The following CPD variants were observed in gnomAD, a reference collection of about 807,000 sequenced individuals.
CPD encodes carboxypeptidase D.
CPD carries 69 observed loss-of-function variants against 138.3 expected under a neutral mutation model. The observed-to-expected ratio is 0.50, with a 90% confidence interval of 0.41 to 0.61. The LOEUF is 0.61. Ranked by LOEUF, CPD falls within the 20% of genes least tolerant of loss-of-function variation. The probability of loss-of-function intolerance (pLI) is 0.00; values close to 1 mark genes in which losing one functional copy is unlikely to be tolerated. For synonymous variants in CPD, 651 were observed against 642.1 expected, an observed-to-expected ratio of 1.01 and a Z score of -0.21; for missense variants, 1,432 against 1,733.3, an observed-to-expected ratio of 0.83 and a Z score of 3.09.
At chr17:30,451,926 C>A in intron 14 of CPD, 80 bp downstream of exon 14, 2 of 1,355,840 alleles carry the variant, frequency 1.5e-6, no homozygotes, top group South Asian at 2.8e-5. Context: ...CCTATTTTGT[C>A]AGTGAATAAT....
intron 14 of CPD, among the ~76,000 whole-genome samples, chr17:30,452,126 A>G (rs956111862): frequency 1.3e-5 from 2 of 152,098 alleles, no homozygotes; most frequent in African/African-American, 4.8e-5. Context: ...CTCCCCTCCT[A>G]TGTATGTGTG....
chr17:30,443,430 C>T (rs964781871), intron 10 of CPD, among the ~76,000 whole-genome samples: 1 of 152,100 alleles, frequency 6.6e-6, no homozygotes, highest in Non-Finnish European at 1.5e-5. Context: ...TCATGCATTG[C>T]ATTGGATTAT....
intron 17 of CPD, among the ~76,000 whole-genome samples, chr17:30,458,814 C>T (rs1913370970): frequency 6.6e-6 from 1 of 151,076 alleles, no homozygotes; most frequent in Non-Finnish European, 1.5e-5. Flanking sequence ...TGCGAAGAGC[C>T]GAGATCTTGC....
intron 13 of CPD, among the ~76,000 whole-genome samples, 179 bp downstream of exon 13, chr17:30,449,927 G>A (rs1729950910): frequency 6.6e-6 from 1 of 151,926 alleles, no homozygotes; most frequent in Non-Finnish European, 1.5e-5. Context: ...TGTTAATAGT[G>A]TCTTTCTATT....
intron 7 of CPD, among the ~76,000 whole-genome samples, chr17:30,428,188 A>G (rs938370144): frequency 6.6e-6 from 1 of 152,206 alleles, no homozygotes; most frequent in Non-Finnish European, 1.5e-5. Flanking sequence ...ATATACCTCC[A>G]TATAATTTAG....
At chr17:30,428,475 G>A (rs1912479924) in intron 7 of CPD, among the ~76,000 whole-genome samples, 1 of 152,034 alleles carries the variant, frequency 6.6e-6, no homozygotes, top group Non-Finnish European at 1.5e-5. Context: ...AATAAAATGT[G>A]GTCTGTCCTT....
Position 30,461,221 on chromosome 17 carries a change from A to G in CPD, c.3540A>G (p.Val1180=). 1.9e-6 allele frequency: 3 copies of G among 1,611,532 alleles called. No homozygotes were observed. Among genetic ancestry groups the G allele is most frequent in the Non-Finnish European group, 2.5e-6 (3 of 1,178,730 alleles). Residue 1180 remains valine (V), a synonymous_variant, in exon 18 of 21, where the codon GTA becomes GTG. Coordinates refer to ENST00000225719, the MANE Select transcript of CPD (RefSeq NM_001304.5). ...VTYGHCPEIT[V]YTSCCYFPSA... ...ATGGCCATTGTCCGGAAATCACAGT[A>G]TACACAAGCTGCTGTTACTTTCCTA...
chr17:30,395,185 A>C (rs1911467163), intron 2 of CPD, among the ~76,000 whole-genome samples: 1 of 149,770 alleles, frequency 6.7e-6, no homozygotes, highest in East Asian at 1.9e-4. Context: ...ATATAAATGA[A>C]CAGATGGGTG....
intron 2 of CPD, among the ~76,000 whole-genome samples, chr17:30,387,447 C>T (rs1017823111): frequency 2.0e-5 from 3 of 152,160 alleles, no homozygotes; most frequent in African/African-American, 2.4e-5. Flanking sequence ...GAACTGTTTA[C>T]CTTTTCTCTT....
rs1912248218 is a variant in CPD, at chr17:30,420,896, A to T, written c.1050A>T (p.Glu350Asp). ...CCAACTGTTTTGAGATCACATTAGAACTGTCTTGTTGCAAGTACCCACCTG... is the reference window on the plus strand; with the variant it reads ...CCAACTGTTTTGAGATCACATTAGATCTGTCTTGTTGCAAGTACCCACCTG... ...VWANCFEITLELSCCKYPPAS... is the reference protein window; with the variant it reads ...VWANCFEITLDLSCCKYPPAS... The change falls in exon 3 of 21, where the codon GAA (glutamate) becomes GAT (aspartate). Residue 350 changes from glutamate to aspartate, a missense_variant. By Grantham distance (45) the Glu-to-Asp change is conservative. Around this residue, in one of 6 missense-constraint regions of CPD, gnomAD observed 160 missense variants for 197.9 expected, o/e 0.81. Coordinates refer to ENST00000225719, the MANE Select transcript of CPD (RefSeq NM_001304.5). The T allele has an allele frequency of 6.2e-7, 1 of 1,613,622 alleles. No homozygotes were observed. Among genetic ancestry groups the T allele is most frequent in the South Asian group, 1.1e-5 (1 of 91,044 alleles).
In CPD at chr17:30,467,384, A is replaced by G. The variant is rs922296012; in HGVS notation, c.*2570A>G. On this transcript the variant is annotated 3_prime_UTR_variant, in exon 21 of 21. Coordinates refer to ENST00000225719, the MANE Select transcript of CPD (RefSeq NM_001304.5). ...TGCCTGTGTACATGTACTTGTATTG[A>G]TTATGTAGTTCAGTAAGATGTGCCC... is the stretch of plus-strand genomic sequence containing the variant. The G allele has an allele frequency of 7.2e-5, 11 of 152,286 alleles. No individual in the cohort carries two copies. The highest frequency in any genetic ancestry group is 2.4e-4 in the African/African-American group (10 of 41,440). 9.4% of individuals were successfully genotyped at this position (152,286 alleles called of 1,614,324 possible).
At chr17:30,441,924 A>T (rs545434546) in intron 9 of CPD, among the ~76,000 whole-genome samples, 70 of 150,498 alleles carry the variant, frequency 4.7e-4, no homozygotes, top group African/African-American at 1.6e-3. Context: ...TGCTGGCCTC[A>T]TAAAATGAGT....
chr17:30,453,857 C>T (rs1347517979), intron 14 of CPD, among the ~76,000 whole-genome samples: 1 of 152,228 alleles, frequency 6.6e-6, no homozygotes, highest in Non-Finnish European at 1.5e-5. Context: ...CACATGGAAG[C>T]TGCCAGGTCT....
intron 2 of CPD, among the ~76,000 whole-genome samples, chr17:30,397,089 G>A (rs961426488): frequency 6.6e-6 from 1 of 151,922 alleles, no homozygotes; most frequent in Non-Finnish European, 1.5e-5. Flanking sequence ...TACTTTAATG[G>A]TTAAACAGTA....
In CPD at chr17:30,468,609, CTG is replaced by C. The variant is rs1397007316; in HGVS notation, c.*3797_*3798del. 8 of 152,712 alleles carry C rather than the reference CTG, an allele frequency of 5.2e-5. No homozygotes were observed. The highest frequency in any genetic ancestry group is 7.4e-5 in the Non-Finnish European group (5 of 67,990). 9.5% of individuals were successfully genotyped at this position (152,712 alleles called of 1,614,324 possible). Reference sequence around the variant, plus strand: ...AATTTGTAATTTATGTGAAATCTAACTGTAATGAGGTCCTTTCTGTTTTTTAT... The same window carrying C: ...AATTTGTAATTTATGTGAAATCTAACTAATGAGGTCCTTTCTGTTTTTTAT... On this transcript the variant is annotated 3_prime_UTR_variant, in exon 21 of 21. Transcript: ENST00000225719.
chr17:30,411,775 T>C (rs1033057991), intron 2 of CPD, among the ~76,000 whole-genome samples: 6 of 152,188 alleles, frequency 3.9e-5, no homozygotes, highest in Non-Finnish European at 7.3e-5. Context: ...TTTTTCAAGG[T>C]TTTTAGCTTC....
chr17:30,430,186 G>A (rs1272429553), intron 7 of CPD, among the ~76,000 whole-genome samples: 1 of 151,972 alleles, frequency 6.6e-6, no homozygotes, highest in African/African-American at 2.4e-5. Context: ...TTCCAGTGGC[G>A]TTTAGTGCAT....
At chr17:30,443,781 G>T (rs1442002807) in intron 10 of CPD, 21 bp from the exon 11 acceptor site, 1 of 1,571,240 alleles carries the variant, frequency 6.4e-7, no homozygotes, top group Admixed American at 1.8e-5. Flanking sequence ...TTGAAATCTG[G>T]TGTCCTTGTA....
intron 2 of CPD, among the ~76,000 whole-genome samples, chr17:30,410,639 G>C (rs537837467): frequency 6.6e-6 from 1 of 152,170 alleles, no homozygotes; most frequent in East Asian, 1.9e-4. Context: ...TTTGATCTTT[G>C]TTGGTTTAAA....
Sources: allele counts gnomAD v4.1 joint callset (sites outside exome capture counted in the v4.1 genomes callset), GRCh38; gene constraint gnomAD v4.1.1; regional missense constraint gnomAD v4.1.1; transcripts MANE v1.5; gene names NCBI Gene and HGNC (gene_info 2026-07-23, HGNC 2026-07-21).